KLHL29: variants seen among roughly 807,000 people sequenced by gnomAD.
The protein encoded by KLHL29 is kelch like family member 29, also known as kelch-like protein 29.
A neutral mutation model predicts 80.4 loss-of-function variants in KLHL29; 21 were observed. That is an observed-to-expected ratio of 0.26 (90% CI 0.19 to 0.38). The LOEUF is 0.38. Among genes scored for constraint, KLHL29 ranks in the 10% least tolerant of loss-of-function variants. The pLI is 1.00. For missense variants in KLHL29, 867 were observed against 1,223.9 expected (o/e 0.71, Z 4.35); for synonymous variants, 511 against 526.8 (o/e 0.97, Z 0.41).
At chr2:23,579,498 A>G (rs1667927799) in intron 3 of KLHL29, among the ~76,000 whole-genome samples, 1 of 152,042 alleles carries the variant, frequency 6.6e-6, no homozygotes, top group African/African-American at 2.4e-5. Flanking sequence ...GTGCAGCCAC[A>G]TGACTCTTCC....
chr2:23,600,976 A>C (rs753413314), intron 3 of KLHL29, among the ~76,000 whole-genome samples: 3 of 152,228 alleles, frequency 2.0e-5, no homozygotes, highest in Non-Finnish European at 2.9e-5. Flanking sequence ...GTATCATCTC[A>C]TGTAAACCTC....
intron 1 of KLHL29, among the ~76,000 whole-genome samples, chr2:23,395,889 G>C (rs879163560): frequency 5.3e-5 from 8 of 152,300 alleles, no homozygotes; most frequent in Admixed American, 5.2e-4. Context: ...CAGGAGAGCC[G>C]CCTATGGTGT....
At chr2:23,421,512 G>A (rs1267737060) in intron 1 of KLHL29, among the ~76,000 whole-genome samples, 2 of 150,160 alleles carry the variant, frequency 1.3e-5, no homozygotes, top group Non-Finnish European at 3.0e-5. Context: ...AGGAAGGAAG[G>A]TTTAGACAAG....
intron 1 of KLHL29, among the ~76,000 whole-genome samples, chr2:23,423,091 G>A (rs1169707741): frequency 6.6e-6 from 1 of 152,244 alleles, no homozygotes; most frequent in Admixed American, 6.5e-5. Flanking sequence ...GCGGGGAGCC[G>A]CAGGCCTCAG....
intron 3 of KLHL29, among the ~76,000 whole-genome samples, chr2:23,594,148 G>A (rs1256118457): frequency 6.6e-6 from 1 of 152,212 alleles, no homozygotes; most frequent in South Asian, 2.1e-4. Flanking sequence ...TACAGCAGAG[G>A]TGGGAAGGTT....
At chr2:23,640,274 G>A (rs71437496) in intron 4 of KLHL29, among the ~76,000 whole-genome samples, 13,069 of 152,124 alleles carry the variant, frequency 0.086, 777 homozygotes, top group African/African-American at 0.16. Context: ...TGTCTTCCAC[G>A]TCATTATCCA....
At chr2:23,515,145 C>A (rs1665882849) in intron 2 of KLHL29, among the ~76,000 whole-genome samples, 1 of 152,242 alleles carries the variant, frequency 6.6e-6, no homozygotes, top group Non-Finnish European at 1.5e-5. Flanking sequence ...GATATTTCTC[C>A]AAATTGTCCC....
intron 1 of KLHL29, among the ~76,000 whole-genome samples, chr2:23,441,482 G>T (rs914046260): frequency 1.1e-3 from 134 of 123,698 alleles, no homozygotes; most frequent in African/African-American, 3.6e-3. Flanking sequence ...AGTATAATAA[G>T]AATAATAATA....
chr2:23,643,038 G>T (rs527176), intron 5 of KLHL29, 188 bp downstream of exon 5: 14 of 745,594 alleles, frequency 1.9e-5, no homozygotes, highest in Non-Finnish European at 3.3e-5. Flanking sequence ...GAGGGGGAAG[G>T]TGTGGAGGGC....
intron 2 of KLHL29, among the ~76,000 whole-genome samples, chr2:23,555,339 G>A (rs989712454): frequency 7.9e-5 from 12 of 152,220 alleles, no homozygotes; most frequent in Non-Finnish European, 1.6e-4. Context: ...AGTGGGAGAA[G>A]CCTTAGGAGG....
At chr2:23,686,292 G>A (rs534228476) in intron 6 of KLHL29, among the ~76,000 whole-genome samples, 1 of 152,250 alleles carries the variant, frequency 6.6e-6, no homozygotes, top group South Asian at 2.1e-4. Context: ...GAGAACAGTA[G>A]GATGTGTCTC....
chr2:23,420,581 T>C (rs1339956304), intron 1 of KLHL29, among the ~76,000 whole-genome samples: 1 of 152,194 alleles, frequency 6.6e-6, no homozygotes, highest in African/African-American at 2.4e-5. Flanking sequence ...TGTCAACTGA[T>C]AGATCGTGTG....
chr2:23,419,944 T>C (rs1558331265), intron 1 of KLHL29, among the ~76,000 whole-genome samples: 2 of 152,308 alleles, frequency 1.3e-5, no homozygotes, highest in East Asian at 3.9e-4. Flanking sequence ...TTCTCCCCAC[T>C]GAGCCACAGA....
In KLHL29 at chr2:23,684,245, T is replaced by C. The variant is rs1671174149; in HGVS notation, c.941-154T>C. On this transcript the variant is annotated intron_variant, in intron 5 of 13. Transcript: ENST00000486442. This position sits in a 1 kb window ranked among gnomAD's most constrained non-coding sequence, Gnocchi z 4.4. ...TTTATGCATTATGTTTGTGACTTCT[T>C]TTGACTGTCAGTGTTGAGCCAGTCT... 6.6e-6 allele frequency among the ~76,000 whole-genome samples: 1 copy of C among 152,160 alleles called. No homozygotes were observed. Among genetic ancestry groups the C allele is most frequent in the Admixed American group, 6.5e-5 (1 of 15,278 alleles).
chr2:23,618,879 G>T (rs541613510), intron 3 of KLHL29, among the ~76,000 whole-genome samples: 1 of 152,158 alleles, frequency 6.6e-6, no homozygotes, highest in Admixed American at 6.5e-5. Context: ...CAAAGTATTT[G>T]GAAGGAAGCC....
intron 1 of KLHL29, among the ~76,000 whole-genome samples, chr2:23,420,168 A>G (rs1662752072): frequency 6.6e-6 from 1 of 151,988 alleles, no homozygotes; most frequent in Non-Finnish European, 1.5e-5. Flanking sequence ...CCTCCTGCCC[A>G]GCGACCCTCA....
intron 2 of KLHL29, among the ~76,000 whole-genome samples, chr2:23,550,308 G>A (rs1484938573): frequency 7.9e-5 from 12 of 152,128 alleles, no homozygotes; most frequent in Admixed American, 2.0e-4. Context: ...GGAGTGGAGC[G>A]CCAGAACAGG....
At chr2:23,673,519 C>T (rs1229169024) in intron 5 of KLHL29, among the ~76,000 whole-genome samples, 1 of 151,920 alleles carries the variant, frequency 6.6e-6, no homozygotes, top group Non-Finnish European at 1.5e-5. Flanking sequence ...TGCTTCCATA[C>T]ACATATGCAT....
At chr2:23,659,586 C>T (rs947932909) in intron 5 of KLHL29, among the ~76,000 whole-genome samples, 2 of 152,174 alleles carry the variant, frequency 1.3e-5, no homozygotes, top group Non-Finnish European at 2.9e-5. Flanking sequence ...GGCCTGGCTT[C>T]GGCTCAGTTC....
Sources: allele counts gnomAD v4.1 joint callset (sites outside exome capture counted in the v4.1 genomes callset), GRCh38; gene constraint gnomAD v4.1.1; non-coding constraint Gnocchi (gnomAD v3.1); transcripts MANE v1.5; gene names NCBI Gene and HGNC (gene_info 2026-07-23, HGNC 2026-07-21).